Variants in GRID2 observed in about 807,000 individuals in gnomAD.
GRID2 encodes glutamate ionotropic receptor delta type subunit 2.
Under a neutral mutation model 114.8 loss-of-function variants are expected in GRID2, and 33 were observed. The ratio of observed to expected loss-of-function variants is 0.29; its 90% CI spans 0.22 to 0.38. The LOEUF is 0.38. Among genes scored for constraint, GRID2 ranks in the 10% least tolerant of loss-of-function variants. The pLI is 1.00. For synonymous variants in GRID2, 505 were observed against 449.9 expected, an observed-to-expected ratio of 1.12 and a Z score of -1.55; for missense variants, 1,184 against 1,257.7, an observed-to-expected ratio of 0.94 and a Z score of 0.89.
At chr4:93,723,362 T>C (rs951010134) in intron 14 of GRID2, among the ~76,000 whole-genome samples, 2 of 152,244 alleles carry the variant, frequency 1.3e-5, no homozygotes, top group Admixed American at 6.5e-5. Context: ...CCAAGAATTA[T>C]ATTGCAAATA....
intron 13 of GRID2, among the ~76,000 whole-genome samples, chr4:93,578,657 G>A (rs557183478): frequency 2.2e-5 from 3 of 135,556 alleles, no homozygotes; most frequent in East Asian, 2.2e-4. Context: ...GCAGTGGCTC[G>A]ATCTTGGGTC....
At chr4:93,733,721 A>G (rs1036701241) in intron 14 of GRID2, among the ~76,000 whole-genome samples, 1 of 152,084 alleles carries the variant, frequency 6.6e-6, no homozygotes, top group Non-Finnish European at 1.5e-5. Flanking sequence ...AAAAGTAACC[A>G]CAGATTAGAA....
chr4:93,604,757 C>G (rs1367182254), intron 13 of GRID2, among the ~76,000 whole-genome samples: 2 of 152,184 alleles, frequency 1.3e-5, no homozygotes, highest in Non-Finnish European at 2.9e-5. Flanking sequence ...GGAAGCAAGA[C>G]CCTCCACCAG....
At chr4:92,992,036 T>C (rs1278385515) in intron 2 of GRID2, among the ~76,000 whole-genome samples, 2 of 152,142 alleles carry the variant, frequency 1.3e-5, no homozygotes, top group African/African-American at 4.8e-5. Flanking sequence ...TTGTAACATT[T>C]CAGGAAAGTC....
Position 92,767,748 on chromosome 4 carries a change from A to C in GRID2, c.244+177462A>C, listed in dbSNP as rs80279618. ...TCTGGGCGACAGAGACTATGTATAA[A>C]AAAGAATTTCAAGCCAGGCACAGTA... is the stretch of plus-strand genomic sequence containing the variant. On this transcript the variant is annotated intron_variant, in intron 2 of 15. Transcript: ENST00000282020. Among the ~76,000 whole-genome samples the C allele has an allele frequency of 3.4e-3, 521 of 152,050 alleles. 3 individuals are homozygous for C. The highest frequency in any genetic ancestry group is 0.012 in the African/African-American group (491 of 41,474).
In GRID2 at chr4:93,532,635, A is replaced by G. The variant is rs185355488; in HGVS notation, c.2193+17224A>G. 5.3e-3 allele frequency among the ~76,000 whole-genome samples: 812 copies of G among 152,268 alleles called. 4 individuals carry two copies. Among genetic ancestry groups the G allele is most frequent in the Middle Eastern group, 0.017 (5 of 294 alleles). ...ATCAGCTTATCAACTCAAAATATCA[A>G]TATTCTCCTGCACCATGTTAACACA... is the stretch of plus-strand genomic sequence containing the variant. On this transcript the variant is annotated intron_variant, in intron 13 of 15. Coordinates refer to ENST00000282020, the MANE Select transcript of GRID2 (RefSeq NM_001510.4).
chr4:92,350,757 A>T (rs888103810), intron 1 of GRID2, among the ~76,000 whole-genome samples: 1 of 151,818 alleles, frequency 6.6e-6, no homozygotes, highest in Non-Finnish European at 1.5e-5. Context: ...GAGTTGTGTA[A>T]CCATTACTTA....
chr4:93,221,886 A>G (rs1744920511), intron 6 of GRID2, among the ~76,000 whole-genome samples: 1 of 152,048 alleles, frequency 6.6e-6, no homozygotes, highest in East Asian at 1.9e-4. Flanking sequence ...GGTACGAAGC[A>G]CTCACCTTTA....
At chr4:93,630,341 A>C (rs528844440) in intron 14 of GRID2, among the ~76,000 whole-genome samples, 22 of 152,156 alleles carry the variant, frequency 1.4e-4, no homozygotes, top group Non-Finnish European at 2.8e-4. Context: ...ATGTTGCCTC[A>C]TTAAAGGCAT....
At chr4:93,439,973 C>G (rs147658297) in intron 10 of GRID2, among the ~76,000 whole-genome samples, 1 of 152,062 alleles carries the variant, frequency 6.6e-6, no homozygotes, top group Non-Finnish European at 1.5e-5. Context: ...GTGGCAAGAA[C>G]ACCTAAGATT....
intron 4 of GRID2, among the ~76,000 whole-genome samples, chr4:93,197,019 G>T (rs1451209013): frequency 1.3e-5 from 2 of 152,058 alleles, no homozygotes; most frequent in Non-Finnish European, 2.9e-5. Context: ...TAAAGGAAAA[G>T]CACATTTTCT....
At chr4:92,540,751 T>C (rs956964781) in intron 1 of GRID2, among the ~76,000 whole-genome samples, 2 of 152,156 alleles carry the variant, frequency 1.3e-5, no homozygotes, top group Non-Finnish European at 2.9e-5. Flanking sequence ...CTCAGGGATC[T>C]AGAAGTAGAA....
chr4:92,626,989 A>G lies in GRID2; in HGVS notation c.244+36703A>G, dbSNP rs78032914. Among the ~76,000 whole-genome samples, 63 of 152,304 alleles carry G rather than the reference A, an allele frequency of 4.1e-4. No individual in the cohort carries two copies. The East Asian group carries it at 0.01, about 25-fold the overall frequency. On this transcript the variant is annotated intron_variant, in intron 2 of 15. Transcript: ENST00000282020. Reference sequence around the variant, plus strand: ...CATGAAGAAAACAGAGAACAACTGGAAATAGGAAATATAATAACTAAGGTA... The same window carrying G: ...CATGAAGAAAACAGAGAACAACTGGGAATAGGAAATATAATAACTAAGGTA...
intron 2 of GRID2, among the ~76,000 whole-genome samples, chr4:92,605,855 C>G (rs905079285): frequency 8.6e-5 from 13 of 152,030 alleles, no homozygotes; most frequent in Non-Finnish European, 2.9e-5. Context: ...TTATACTCCC[C>G]TTGGACATGG....
chr4:93,675,877 A>C (rs946360130), intron 14 of GRID2, among the ~76,000 whole-genome samples: 33 of 152,204 alleles, frequency 2.2e-4, no homozygotes, highest in African/African-American at 7.7e-4. Context: ...TATACTTTCC[A>C]CTCCAAAGAA....
At chr4:93,688,162 A>G (rs1214437982) in intron 14 of GRID2, among the ~76,000 whole-genome samples, 1 of 151,968 alleles carries the variant, frequency 6.6e-6, no homozygotes, top group Non-Finnish European at 1.5e-5. Flanking sequence ...CACAAGTTTG[A>G]TTATGAAATT....
intron 1 of GRID2, among the ~76,000 whole-genome samples, chr4:92,460,061 C>CAA (rs1721422441): frequency 3.9e-5 from 1 of 25,872 alleles, no homozygotes; most frequent in Admixed American, 4.5e-4. Flanking sequence ...TATACACACA[C>CAA]AACTTTTTGG....
intron 2 of GRID2, among the ~76,000 whole-genome samples, chr4:92,885,847 G>T (rs1746330821): frequency 6.6e-6 from 1 of 152,140 alleles, no homozygotes; most frequent in African/African-American, 2.4e-5. Flanking sequence ...CCCAAGTGGT[G>T]GCTGTATTGC....
intron 1 of GRID2, among the ~76,000 whole-genome samples, chr4:92,360,497 A>C (rs1288349264): frequency 6.6e-6 from 1 of 152,034 alleles, no homozygotes; most frequent in African/African-American, 2.4e-5. Flanking sequence ...ATAATAAAAA[A>C]AAATGCGGTT....
Sources: gnomAD v4.1 joint callset for allele counts (sites outside exome capture counted in the v4.1 genomes callset) on GRCh38, gnomAD v4.1.1 for gene constraint, MANE v1.5 for transcripts, NCBI Gene and HGNC (gene_info 2026-07-23, HGNC 2026-07-21) for gene names.